The following SLC38A8 variants were observed in gnomAD, a reference collection of about 807,000 sequenced individuals.
SLC38A8 encodes the protein amino acid transporter SLC38A8.
A neutral mutation model predicts 46.0 loss-of-function variants in SLC38A8; 65 were observed. The ratio of observed to expected loss-of-function variants is 1.41; its 90% confidence interval spans 1.16 to 1.74. SLC38A8 has a LOEUF of 1.74. Among genes scored for constraint, SLC38A8 ranks in the 40% most tolerant of loss-of-function variants. The pLI, the probability that SLC38A8 is intolerant of heterozygous loss-of-function variation, is 0.00. For synonymous variants in SLC38A8, 447 were observed against 243.7 expected (o/e 1.83, Z -7.77); for missense variants, 998 against 567.9 (o/e 1.76, Z -7.70).
In SLC38A8 at chr16:84,033,192, T is replaced by G. The variant is rs571175914; in HGVS notation, c.530+136A>C. On this transcript the variant is annotated intron_variant, in intron 4 of 10. Coordinates refer to ENST00000299709, the MANE Select transcript of SLC38A8 (RefSeq NM_001080442.3). ...GCATCATGCATACATTTTACTTGTA[T>G]AATTTTTTTTTCGTTTTCCCCTTCT... The G allele has an allele frequency of 5.9e-4, 691 of 1,173,884 alleles. 1 individual carries two copies. Among genetic ancestry groups the G allele is most frequent in the Non-Finnish European group, 7.7e-4 (629 of 816,186 alleles). 72.7% of individuals were successfully genotyped at this position (1,173,884 alleles called of 1,614,324 possible).
chr16:84,027,724 A>C (rs2085181870), intron 6 of SLC38A8, among the ~76,000 whole-genome samples: 1 of 152,084 alleles, frequency 6.6e-6, no homozygotes, highest in Admixed American at 6.5e-5. Flanking sequence ...TCATCTCGGC[A>C]TCCCGTGTCC....
chr16:84,023,507 A>T lies in SLC38A8; in HGVS notation c.691-618T>A, dbSNP rs11861488. 5.0e-3 allele frequency among the ~76,000 whole-genome samples: 763 copies of T among 152,252 alleles called. 6 individuals carry two copies. Among genetic ancestry groups the T allele is most frequent in the African/African-American group, 0.017 (721 of 41,556 alleles). On this transcript the variant is annotated intron_variant, in intron 6 of 10. Transcript: ENST00000299709. The stretch of plus-strand genomic sequence containing the variant: ...AGAGCAGAGGGCGTAAGTAAATGGC[A>T]GGATACTAACACACAGAGCATGATG...
Position 84,009,821 on chromosome 16 carries a change from C to T in SLC38A8, c.1271G>A (p.Gly424Glu). ...CCAGACCGCTGCCGCCGTGCTCTGC[C>T]CAAAGATGAAGGTGCCGACCAGCAC... ...VSVLVGTFIF[G>E]QSTAAAVWEM... Residue 424 changes from glycine to glutamate, a missense_variant, in exon 11 of 11, where the codon GGG becomes GAG. By Grantham distance (98) the Gly-to-Glu change is moderately conservative. Coordinates refer to ENST00000299709, the MANE Select transcript of SLC38A8 (RefSeq NM_001080442.3). The T allele has an allele frequency of 6.2e-7, 1 of 1,614,060 alleles. No individual in the cohort carries two copies. The highest frequency in any genetic ancestry group is 8.5e-7 in the Non-Finnish European group (1 of 1,179,980).
intron 6 of SLC38A8, among the ~76,000 whole-genome samples, chr16:84,024,370 C>T (rs12933796): frequency 6.6e-5 from 10 of 151,688 alleles, no homozygotes; most frequent in Non-Finnish European, 1.2e-4. Context: ...GTAGAGATGA[C>T]TTCTTACTAC....
At chr16:84,014,186 C>T (rs1212051885) in intron 9 of SLC38A8, among the ~76,000 whole-genome samples, 2 of 151,624 alleles carry the variant, frequency 1.3e-5, no homozygotes, top group South Asian at 4.2e-4. Flanking sequence ...AAAGCCCCGC[C>T]CAGAGCCAAG....
intron 9 of SLC38A8, among the ~76,000 whole-genome samples, chr16:84,014,075 G>A (rs1173754039): frequency 3.3e-5 from 5 of 150,056 alleles, no homozygotes; most frequent in Admixed American, 1.3e-4. Flanking sequence ...TGAAAGGCCC[G>A]CCCAGAGCTG....
At chr16:84,018,603 G>A (rs1287255335) in intron 7 of SLC38A8, among the ~76,000 whole-genome samples, 4 of 152,036 alleles carry the variant, frequency 2.6e-5, no homozygotes, top group South Asian at 2.1e-4. Flanking sequence ...TTAAGCCCCT[G>A]CCCCATGCCT....
rs749124070 is a variant in SLC38A8, at chr16:84,031,863, T to A, written c.632+4A>T. On this transcript the variant is annotated splice_donor_region_variant and intron_variant, in intron 5 of 10. Coordinates refer to ENST00000299709, the MANE Select transcript of SLC38A8 (RefSeq NM_001080442.3). ...GCTGCCGGAAGCTGTTCCCTCAGAC[T>A]TACCTCAGTGAAGGATGGGACTCAC... 29 of 1,613,604 alleles carry A rather than the reference T, an allele frequency of 1.8e-5. No individual in the cohort carries two copies. The highest frequency in any genetic ancestry group is 1.6e-4 in the Middle Eastern group (1 of 6,076).
intron 10 of SLC38A8, 135 bp downstream of exon 10, chr16:84,012,864 ACT>A (rs2084970404): frequency 4.2e-6 from 4 of 961,610 alleles, no homozygotes; most frequent in African/African-American, 1.6e-5. Flanking sequence ...GTAGACAGAG[ACT>A]CTCTTCCTGT....
intron 6 of SLC38A8, among the ~76,000 whole-genome samples, chr16:84,025,459 T>C (rs571300753): frequency 3.3e-5 from 5 of 152,252 alleles, no homozygotes; most frequent in Non-Finnish European, 5.9e-5. Flanking sequence ...ACAGCCCGTG[T>C]CCTCAACACG....
At chr16:84,030,736 G>A (rs1258014391) in intron 5 of SLC38A8, among the ~76,000 whole-genome samples, 1 of 152,132 alleles carries the variant, frequency 6.6e-6, no homozygotes, top group East Asian at 1.9e-4. Flanking sequence ...AATTCACAGG[G>A]CCAGGTGCAG....
At chr16:84,022,508 T>C (rs537355181) in intron 7 of SLC38A8, among the ~76,000 whole-genome samples, 36 of 152,286 alleles carry the variant, frequency 2.4e-4, no homozygotes, top group African/African-American at 8.4e-4. Context: ...GAGCACGGGC[T>C]TTGGAGACGG....
chr16:84,013,438 T>TGTTG (rs1329306801), intron 9 of SLC38A8, among the ~76,000 whole-genome samples: 8 of 131,236 alleles, frequency 6.1e-5, no homozygotes, highest in South Asian at 2.4e-4. Flanking sequence ...TTTTTTTTTT[T>TGTTG]TTTTTTTTTT....
rs568418827 is a variant in SLC38A8 at position 84,032,075 on chromosome 16, G to T, written c.531-107C>A. 1.2e-5 allele frequency: 11 copies of T among 922,898 alleles called. No homozygotes were observed. In the East Asian group the frequency reaches 2.6e-4, roughly 22 times the overall value. The allele number at this position is 922,898 out of a possible 1,614,324, so 57.2% of individuals were successfully genotyped here. A position where few individuals can be genotyped will look rare whatever the true frequency, so the allele number is the denominator to read the frequency against. The stretch of plus-strand genomic sequence containing the variant: ...CCAGCTCCGCCCTTGACAATGAGGT[G>T]CTGGCCAAGCTGTCCACCTCTGCCT... On this transcript the variant is annotated intron_variant, in intron 4 of 10. Coordinates refer to ENST00000299709, the MANE Select transcript of SLC38A8 (RefSeq NM_001080442.3).
intron 9 of SLC38A8, 64 bp from the exon 10 acceptor site, chr16:84,013,116 CG>C: frequency 6.3e-7 from 1 of 1,597,978 alleles, no homozygotes; most frequent in Non-Finnish European, 8.6e-7. Flanking sequence ...AAAAAGGTCC[CG>C]GGAGAGGTCC....
intron 9 of SLC38A8, among the ~76,000 whole-genome samples, chr16:84,014,444 T>C (rs2084999902): frequency 6.6e-6 from 1 of 150,958 alleles, no homozygotes; most frequent in Non-Finnish European, 1.5e-5. Flanking sequence ...CCCTCACCTC[T>C]GAAAGCCCTG....
intron 7 of SLC38A8, among the ~76,000 whole-genome samples, chr16:84,021,268 T>C (rs1017230852): frequency 7.9e-5 from 12 of 152,156 alleles, no homozygotes; most frequent in Admixed American, 1.3e-4. Context: ...TTTTACCATG[T>C]TTCACAGGCT....
chr16:84,027,341 C>G (rs1429861132), intron 6 of SLC38A8, among the ~76,000 whole-genome samples: 1 of 149,372 alleles, frequency 6.7e-6, no homozygotes, highest in Non-Finnish European at 1.5e-5. Context: ...CAGAGCAAGT[C>G]TGCCACAAAA....
intron 6 of SLC38A8, among the ~76,000 whole-genome samples, chr16:84,027,281 C>G (rs140251647): frequency 6.6e-6 from 1 of 152,144 alleles, no homozygotes; most frequent in African/African-American, 2.4e-5. Context: ...ACCCAGGAGG[C>G]GGAGGCTGCA....
Sources: allele counts gnomAD v4.1 joint callset (sites outside exome capture counted in the v4.1 genomes callset), GRCh38; gene constraint gnomAD v4.1.1; transcripts MANE v1.5; gene names NCBI Gene and HGNC (gene_info 2026-07-23, HGNC 2026-07-21).